The following PPP3CA variants were observed in gnomAD, a reference collection of about 807,000 sequenced individuals.
PPP3CA encodes the protein CAM-PRP catalytic subunit.
In PPP3CA, 14 loss-of-function variants were observed where a neutral mutation model predicts 66.5. The observed-to-expected ratio is 0.21, with a 90% CI of 0.14 to 0.33. PPP3CA has a LOEUF of 0.33. Among genes scored for constraint, PPP3CA ranks in the 10% least tolerant of loss-of-function variants. The pLI is 1.00. For missense variants in PPP3CA, 317 were observed against 639.5 expected (o/e 0.50, Z 5.44); for synonymous variants, 232 against 226.2 (o/e 1.03, Z -0.23).
chr4:101,162,059 G>T (rs1172637398), intron 2 of PPP3CA, among the ~76,000 whole-genome samples: 2 of 152,240 alleles, frequency 1.3e-5, no homozygotes, highest in East Asian at 3.9e-4. Context: ...GGCCAACATG[G>T]CGAAATCCCA....
intron 1 of PPP3CA, among the ~76,000 whole-genome samples, chr4:101,293,379 C>A (rs1359875238): frequency 6.6e-6 from 1 of 152,176 alleles, no homozygotes; most frequent in East Asian, 1.9e-4. Context: ...CGCTCAGGAA[C>A]TCTTGATTCT....
intron 1 of PPP3CA, among the ~76,000 whole-genome samples, chr4:101,307,292 A>G (rs1003058643): frequency 6.6e-6 from 1 of 152,128 alleles, no homozygotes; most frequent in Non-Finnish European, 1.5e-5. Context: ...TTGTGATTAC[A>G]GATTAAGTTT....
intron 1 of PPP3CA, among the ~76,000 whole-genome samples, chr4:101,318,946 A>G (rs1186114669): frequency 6.6e-6 from 1 of 152,070 alleles, no homozygotes; most frequent in Non-Finnish European, 1.5e-5. Flanking sequence ...CAAACTCTCT[A>G]TATTCTTAAA....
intron 1 of PPP3CA, among the ~76,000 whole-genome samples, chr4:101,247,502 A>T (rs868031965): frequency 2.0e-5 from 3 of 151,682 alleles, no homozygotes; most frequent in African/African-American, 7.3e-5. Flanking sequence ...TTCCCCACCA[A>T]CCCTTCCTAT....
intron 2 of PPP3CA, among the ~76,000 whole-genome samples, chr4:101,126,971 G>A (rs1348640477): frequency 1.3e-5 from 2 of 152,146 alleles, no homozygotes. Context: ...CCAAGTGTAA[G>A]TCTACTGCTT....
At chr4:101,162,097 G>A (rs781394268) in intron 2 of PPP3CA, among the ~76,000 whole-genome samples, 3 of 151,978 alleles carry the variant, frequency 2.0e-5, no homozygotes, top group African/African-American at 4.8e-5. Flanking sequence ...AAAATTAGCC[G>A]GGCATGGTGG....
At chr4:101,264,331 T>C (rs963307844) in intron 1 of PPP3CA, among the ~76,000 whole-genome samples, 1 of 152,204 alleles carries the variant, frequency 6.6e-6, no homozygotes, top group Non-Finnish European at 1.5e-5. Context: ...TTTGAATTTT[T>C]TGACTTTTTA....
chr4:101,283,660 G>A (rs536170298), intron 1 of PPP3CA, among the ~76,000 whole-genome samples: 9 of 152,144 alleles, frequency 5.9e-5, no homozygotes, highest in African/African-American at 9.7e-5. Context: ...TGGCAGGTAC[G>A]CAATCATTCT....
chr4:101,247,273 T>C (rs1295134278), intron 1 of PPP3CA, among the ~76,000 whole-genome samples: 1 of 151,982 alleles, frequency 6.6e-6, no homozygotes, highest in African/African-American at 2.4e-5. Context: ...GCAATTCTTC[T>C]GCCTCAGCCT....
In PPP3CA at chr4:101,295,678, T is replaced by C. The variant is rs529987933; in HGVS notation, c.58+51061A>G. On this transcript the variant is annotated intron_variant, in intron 1 of 13. Transcript: ENST00000394854. Reference sequence around the variant, plus strand: ...CTCTTTGGGATTTAAATTACAGCTTTTAGCTGTCAACACTAATAAATTTAA... The same window carrying C: ...CTCTTTGGGATTTAAATTACAGCTTCTAGCTGTCAACACTAATAAATTTAA... Among the ~76,000 whole-genome samples, 8 of 152,336 alleles carry C rather than the reference T, an allele frequency of 5.3e-5. 1 individual carries two copies. The highest frequency in any genetic ancestry group is 1.9e-4 in the African/African-American group (8 of 41,588).
At chr4:101,118,986 T>C (rs1034220335) in intron 2 of PPP3CA, among the ~76,000 whole-genome samples, 21 of 135,042 alleles carry the variant, frequency 1.6e-4, no homozygotes, top group Non-Finnish European at 2.9e-4. Flanking sequence ...TTTTAAACAA[T>C]GAAGCAAGCA....
At chr4:101,301,443 T>C (rs1317090262) in intron 1 of PPP3CA, among the ~76,000 whole-genome samples, 1 of 147,088 alleles carries the variant, frequency 6.8e-6, no homozygotes, top group Non-Finnish European at 1.5e-5. Flanking sequence ...ATATTAATTA[T>C]ATATTAAATT....
chr4:101,301,828 A>G (rs569215057), intron 1 of PPP3CA, among the ~76,000 whole-genome samples: 1 of 149,466 alleles, frequency 6.7e-6, no homozygotes, highest in South Asian at 2.1e-4. Flanking sequence ...TTTTATATAT[A>G]TATATATATA....
intron 2 of PPP3CA, among the ~76,000 whole-genome samples, chr4:101,146,695 C>A (rs1722981099): frequency 6.6e-6 from 1 of 152,148 alleles, no homozygotes; most frequent in Non-Finnish European, 1.5e-5. Context: ...CCCACCTCGG[C>A]TTTCCAAAGT....
At chr4:101,148,327 T>C (rs1486401473) in intron 2 of PPP3CA, among the ~76,000 whole-genome samples, 1 of 152,146 alleles carries the variant, frequency 6.6e-6, no homozygotes, top group Non-Finnish European at 1.5e-5. Context: ...TTAAAATTTG[T>C]GACATTTTCT....
chr4:101,161,452 T>C (rs922117201), intron 2 of PPP3CA, among the ~76,000 whole-genome samples: 2 of 152,174 alleles, frequency 1.3e-5, no homozygotes, highest in African/African-American at 4.8e-5. Flanking sequence ...TTTTGGTATT[T>C]AATGAAACTA....
intron 8 of PPP3CA, among the ~76,000 whole-genome samples, chr4:101,063,815 T>C (rs948547626): frequency 6.6e-6 from 1 of 151,944 alleles, no homozygotes; most frequent in Non-Finnish European, 1.5e-5. Context: ...TTAAGTTAGA[T>C]TGCTTTAATT....
intron 10 of PPP3CA, among the ~76,000 whole-genome samples, chr4:101,041,429 A>ATTTTTTTTTTTTTTTTT (rs11296247): frequency 1.2e-5 from 1 of 86,154 alleles, no homozygotes; most frequent in Non-Finnish European, 2.2e-5. Context: ...TACCTCACAA[A>ATTTTTTTTTTTTTTTTT]TTTTTTTTTT....
intron 13 of PPP3CA, among the ~76,000 whole-genome samples, chr4:101,028,187 CA>C (rs1175418357): frequency 6.6e-6 from 1 of 151,910 alleles, no homozygotes; most frequent in Non-Finnish European, 1.5e-5. Context: ...TTGAGAAAAA[CA>C]AAAAAGTTAC....
Sources: gnomAD v4.1 joint callset for allele counts (sites outside exome capture counted in the v4.1 genomes callset) on GRCh38, gnomAD v4.1.1 for gene constraint, MANE v1.5 for transcripts, NCBI Gene and HGNC (gene_info 2026-07-23, HGNC 2026-07-21) for gene names.